The following ZMYM4 variants were observed in gnomAD, a reference collection of about 807,000 sequenced individuals.
The protein encoded by ZMYM4 is zinc finger MYM-type containing 4, also known as zinc finger MYM-type protein 4.
In ZMYM4, 31 loss-of-function variants were observed where a neutral mutation model predicts 183.2. That is an observed-to-expected ratio of 0.17 (90% confidence interval 0.13 to 0.23). The LOEUF is 0.23. Ranked by LOEUF, ZMYM4 falls within the 10% of genes least tolerant of loss-of-function variation. ZMYM4 has a pLI of 1.00. For synonymous variants in ZMYM4, 592 were observed against 631.2 expected (o/e 0.94, Z 0.93); for missense variants, 1,273 against 1,840.3 (o/e 0.69, Z 5.64).
At chr1:35,331,916 G>T (rs1293963434) in intron 2 of ZMYM4, among the ~76,000 whole-genome samples, 2 of 151,818 alleles carry the variant, frequency 1.3e-5, no homozygotes, top group Non-Finnish European at 2.9e-5. Context: ...TTGATCAGTA[G>T]GATAAGAGGG....
intron 2 of ZMYM4, among the ~76,000 whole-genome samples, chr1:35,332,420 T>C (rs113304381): frequency 7.9e-5 from 12 of 151,654 alleles, no homozygotes; most frequent in Non-Finnish European, 1.2e-4. Flanking sequence ...TTTTTTTTTT[T>C]TCTCTCCACA....
intron 18 of ZMYM4, among the ~76,000 whole-genome samples, chr1:35,394,162 CTTTTTTTTTTT>C (rs34277367): frequency 3.8e-4 from 26 of 68,430 alleles, no homozygotes; most frequent in South Asian, 1.2e-3. Flanking sequence ...TCAGAGCTTT[CTTTTTTTTTTT>C]TTTTTTTTTT....
At chr1:35,386,933 T>C in intron 11 of ZMYM4, 70 bp from the exon 12 acceptor site, 1 of 1,505,250 alleles carries the variant, frequency 6.6e-7, no homozygotes, top group Non-Finnish European at 8.9e-7. Flanking sequence ...GCTTGGCATA[T>C]GTAGGCACAC....
At position 35,358,943 on chromosome 1, in the gene ZMYM4, C is replaced by A. The variant is rs1446517824; in HGVS notation, c.104C>A (p.Thr35Lys). The change falls in exon 3 of 30, where the codon ACA becomes AAA. Residue 35 changes from threonine to lysine, a missense_variant. Transcript: ENST00000314607. ...IVENCGGIMD[T>K]EMSEDIDHNL... ...TTTTAAGGTGGTGGTATCATGGATA[C>A]AGAAATGTCTGAAGATATAGACCAC... is the stretch of plus-strand genomic sequence containing the variant. 6.2e-7 allele frequency: 1 copy of A among 1,612,332 alleles called. No individual in the cohort carries two copies. The highest frequency in any genetic ancestry group is 8.5e-7 in the Non-Finnish European group (1 of 1,178,890).
chr1:35,380,322 A>AT (rs1458398806), intron 7 of ZMYM4, among the ~76,000 whole-genome samples: 3 of 150,726 alleles, frequency 2.0e-5, no homozygotes, highest in Non-Finnish European at 4.4e-5. Flanking sequence ...TATTTTATTT[A>AT]TTTATTTATT....
intron 2 of ZMYM4, among the ~76,000 whole-genome samples, chr1:35,331,075 G>T (rs60342750): frequency 0.065 from 9,784 of 151,004 alleles, 924 homozygotes; most frequent in East Asian, 0.44. Context: ...TTTTCTAAAT[G>T]GAACAAACAA....
At chr1:35,317,230 C>G (rs1030027573) in intron 1 of ZMYM4, among the ~76,000 whole-genome samples, 2 of 151,192 alleles carry the variant, frequency 1.3e-5, no homozygotes, top group Non-Finnish European at 2.9e-5. Context: ...GTCTGGAGTT[C>G]GAGACCAGCT....
At chr1:35,298,384 C>T (rs1205129873) in intron 1 of ZMYM4, among the ~76,000 whole-genome samples, 2 of 152,106 alleles carry the variant, frequency 1.3e-5, no homozygotes, top group African/African-American at 4.8e-5. Flanking sequence ...TGCACTCCAG[C>T]CTGGGCAACA....
intron 1 of ZMYM4, among the ~76,000 whole-genome samples, chr1:35,300,006 A>G (rs547364739): frequency 2.6e-5 from 4 of 152,130 alleles, no homozygotes; most frequent in African/African-American, 4.8e-5. Flanking sequence ...AGTGTTCGCC[A>G]GGATGGTCTC....
chr1:35,287,151 CAATAAGTG>C (rs553905612), intron 1 of ZMYM4, among the ~76,000 whole-genome samples: 1,605 of 151,706 alleles, frequency 0.011, 30 homozygotes, highest in African/African-American at 0.032. Context: ...TTTGCGTGCT[CAATAAGTG>C]TTATTCCCTC....
chr1:35,285,657 C>T (rs1427206861), intron 1 of ZMYM4, among the ~76,000 whole-genome samples: 2 of 152,064 alleles, frequency 1.3e-5, no homozygotes, highest in African/African-American at 4.8e-5. Context: ...TATAAGTAAT[C>T]TAGAGATGAT....
At chr1:35,361,151 T>C in intron 3 of ZMYM4, 43 bp from the exon 4 acceptor site, 1 of 1,505,796 alleles carries the variant, frequency 6.6e-7, no homozygotes, top group Non-Finnish European at 9.0e-7. Context: ...AGATTTGTTA[T>C]TCATATACAT....
intron 1 of ZMYM4, among the ~76,000 whole-genome samples, chr1:35,286,451 C>T (rs568233211): frequency 3.9e-5 from 6 of 152,200 alleles, no homozygotes; most frequent in East Asian, 1.9e-4. Flanking sequence ...TTTTGCAAGA[C>T]GCCTCAGTAC....
At chr1:35,283,026 T>C (rs1390801788) in intron 1 of ZMYM4, among the ~76,000 whole-genome samples, 3 of 103,652 alleles carry the variant, frequency 2.9e-5, no homozygotes, top group East Asian at 6.2e-4. Flanking sequence ...TGAGACAGAG[T>C]GTTACTCTGT....
chr1:35,407,132 C>T (rs1323660353), intron 25 of ZMYM4, among the ~76,000 whole-genome samples: 3 of 152,058 alleles, frequency 2.0e-5, no homozygotes, highest in Non-Finnish European at 2.9e-5. Context: ...TAAATATCAG[C>T]TGAAGAAAGT....
At chr1:35,379,715 G>A (rs1404244724) in intron 7 of ZMYM4, among the ~76,000 whole-genome samples, 2 of 152,214 alleles carry the variant, frequency 1.3e-5, no homozygotes, top group Non-Finnish European at 2.9e-5. Context: ...AGAAATGTGG[G>A]ACTCTTACTT....
At chr1:35,324,806 C>A (rs3814303) in intron 1 of ZMYM4, among the ~76,000 whole-genome samples, 1 of 152,010 alleles carries the variant, frequency 6.6e-6, no homozygotes, top group Non-Finnish European at 1.5e-5. Context: ...GTGGAGTTAC[C>A]GGTGCTTTGC....
At chr1:35,339,727 T>C (rs1374183138) in intron 2 of ZMYM4, among the ~76,000 whole-genome samples, 1 of 152,162 alleles carries the variant, frequency 6.6e-6, no homozygotes, top group Non-Finnish European at 1.5e-5. Flanking sequence ...TCTTTATTGA[T>C]TTTGCCTTTC....
intron 2 of ZMYM4, among the ~76,000 whole-genome samples, chr1:35,330,561 A>G (rs1465110345): frequency 6.6e-6 from 1 of 152,204 alleles, no homozygotes; most frequent in Non-Finnish European, 1.5e-5. Flanking sequence ...CCTACCTTCA[A>G]AGAAAGCTGG....
Sources: gnomAD v4.1 joint callset for allele counts (sites outside exome capture counted in the v4.1 genomes callset) on GRCh38, gnomAD v4.1.1 for gene constraint, MANE v1.5 for transcripts, NCBI Gene and HGNC (gene_info 2026-07-23, HGNC 2026-07-21) for gene names.